Variants in DLG2 observed in about 807,000 individuals in gnomAD.
DLG2 encodes disks large homolog 2.
In DLG2, 45 loss-of-function variants were observed where a neutral mutation model predicts 132.5. The observed-to-expected ratio is 0.34, with a 90% confidence interval of 0.27 to 0.44. The LOEUF (loss-of-function observed/expected upper bound fraction) is 0.44, where lower values mean the gene tolerates loss of function less well. DLG2 is among the 20% of genes least tolerant of loss of function. DLG2 has a pLI of 1.00. For missense variants in DLG2, 1,045 were observed against 1,196.9 expected (o/e 0.87, Z 1.87); for synonymous variants, 424 against 419.6 (o/e 1.01, Z -0.13).
At chr11:85,101,510 G>C (rs751096497) in intron 6 of DLG2, among the ~76,000 whole-genome samples, 13 of 151,994 alleles carry the variant, frequency 8.6e-5, no homozygotes, top group Non-Finnish European at 1.6e-4. Flanking sequence ...GTAAAATATT[G>C]AGTACAGCCC....
chr11:84,316,701 C>T, intron 7 of DLG2: 1 of 1,077,316 alleles, frequency 9.3e-7, no homozygotes, highest in South Asian at 1.7e-5. Context: ...TTTTTCTTGG[C>T]CTAATATTTT....
At chr11:84,772,829 C>A (rs2069666258) in intron 6 of DLG2, among the ~76,000 whole-genome samples, 2 of 151,966 alleles carry the variant, frequency 1.3e-5, no homozygotes, top group South Asian at 4.2e-4. Context: ...TACTAAAGTC[C>A]TACATCAAAT....
intron 18 of DLG2, among the ~76,000 whole-genome samples, chr11:83,666,662 C>T (rs2153561647): frequency 6.6e-6 from 1 of 152,244 alleles, no homozygotes; most frequent in South Asian, 2.1e-4. Context: ...GACTTTTGTT[C>T]CCTACGTGGT....
intron 6 of DLG2, among the ~76,000 whole-genome samples, chr11:84,802,127 T>C (rs1172495976): frequency 6.8e-6 from 1 of 148,050 alleles, no homozygotes; most frequent in Non-Finnish European, 1.5e-5. Context: ...AAAAAAAGCA[T>C]GAGCTTTGGA....
intron 4 of DLG2, among the ~76,000 whole-genome samples, chr11:85,216,723 G>C (rs1391431879): frequency 6.6e-6 from 1 of 151,954 alleles, no homozygotes; most frequent in East Asian, 1.9e-4. Flanking sequence ...TGGAGACAGA[G>C]TCTCACTCTG....
At chr11:83,565,871 C>A (rs1186708487) in intron 19 of DLG2, among the ~76,000 whole-genome samples, 1 of 152,162 alleles carries the variant, frequency 6.6e-6, no homozygotes, top group African/African-American at 2.4e-5. Flanking sequence ...AAAGCCAGGA[C>A]TGAATTTAGG....
At chr11:84,624,061 T>C (rs546713570) in intron 6 of DLG2, among the ~76,000 whole-genome samples, 9 of 152,218 alleles carry the variant, frequency 5.9e-5, no homozygotes, top group Non-Finnish European at 1.0e-4. Flanking sequence ...CAGAAAATCT[T>C]TGAATAATGT....
intron 3 of DLG2, among the ~76,000 whole-genome samples, chr11:85,460,518 C>A (rs994578271): frequency 6.6e-6 from 1 of 152,184 alleles, no homozygotes; most frequent in Non-Finnish European, 1.5e-5. Context: ...TCCTGTCTCA[C>A]TTTGCTCCAT....
chr11:84,251,215 G>A (rs1288792963), intron 8 of DLG2, 23 bp downstream of exon 8: 4 of 1,484,884 alleles, frequency 2.7e-6, no homozygotes, highest in African/African-American at 2.8e-5. Context: ...TTAAAAGAAG[G>A]TAGTAATGAA....
intron 17 of DLG2, among the ~76,000 whole-genome samples, chr11:83,797,499 TTC>T (rs2043121177): frequency 6.6e-6 from 1 of 150,724 alleles, no homozygotes; most frequent in African/African-American, 2.5e-5. Flanking sequence ...AGTGTCTGCA[TTC>T]TTTTTTTTTT....
At chr11:85,287,616 T>G (rs986657921) in intron 3 of DLG2, among the ~76,000 whole-genome samples, 2 of 152,128 alleles carry the variant, frequency 1.3e-5, no homozygotes, top group Admixed American at 6.6e-5. Context: ...TTGTTTATCC[T>G]ATAAGTCGGT....
chr11:83,691,409 A>T (rs972520830), intron 18 of DLG2, among the ~76,000 whole-genome samples: 2 of 152,186 alleles, frequency 1.3e-5, no homozygotes, highest in Non-Finnish European at 2.9e-5. Context: ...ACAAAAGTAC[A>T]ATTCACTCAT....
Position 84,163,454 on chromosome 11 carries a change from TTC to T in DLG2, c.624+5_624+6del. On this transcript the variant is annotated splice_donor_5th_base_variant and intron_variant, in intron 9 of 27. Coordinates refer to ENST00000376104, the MANE Select transcript of DLG2 (RefSeq NM_001142699.3). ...GGGGCTTTGGATTTTTCAAAATTTT[TTC>T]TTACCCTCTCCAGTGTAATTTCTTC... is the stretch of plus-strand genomic sequence containing the variant. 4.4e-6 allele frequency: 7 copies of T among 1,603,588 alleles called. No homozygotes were observed. The highest frequency in any genetic ancestry group is 6.0e-6 in the Non-Finnish European group (7 of 1,176,224).
At chr11:84,766,487 A>G (rs1332628170) in intron 6 of DLG2, among the ~76,000 whole-genome samples, 1 of 152,104 alleles carries the variant, frequency 6.6e-6, no homozygotes, top group Non-Finnish European at 1.5e-5. Context: ...GATGCTGCTT[A>G]GAACACCACT....
intron 6 of DLG2, among the ~76,000 whole-genome samples, chr11:85,059,038 CA>C (rs1292513106): frequency 6.6e-6 from 1 of 150,998 alleles, no homozygotes; most frequent in Non-Finnish European, 1.5e-5. Context: ...AACTTTAGTT[CA>C]AAAGTCGCCG....
At chr11:83,743,104 C>T (rs1185158041) in intron 18 of DLG2, among the ~76,000 whole-genome samples, 1 of 152,174 alleles carries the variant, frequency 6.6e-6, no homozygotes, top group African/African-American at 2.4e-5. Context: ...GGGTAATCTT[C>T]TTAGGCCAGG....
intron 3 of DLG2, among the ~76,000 whole-genome samples, chr11:85,589,818 C>A (rs2079197118): frequency 6.6e-6 from 1 of 152,020 alleles, no homozygotes; most frequent in South Asian, 2.1e-4. Flanking sequence ...TCCCCATCTG[C>A]CCACATTGTC....
intron 6 of DLG2, among the ~76,000 whole-genome samples, chr11:84,859,025 CT>C (rs2083189678): frequency 6.6e-6 from 1 of 151,828 alleles, no homozygotes; most frequent in Admixed American, 6.6e-5. Flanking sequence ...TACGCTTCAT[CT>C]TTTTATACCT....
intron 6 of DLG2, among the ~76,000 whole-genome samples, chr11:85,049,171 G>C (rs2062647860): frequency 6.6e-6 from 1 of 151,942 alleles, no homozygotes; most frequent in African/African-American, 2.4e-5. Context: ...CATAGACTTA[G>C]GGATTCAGGA....
Sources: gnomAD v4.1 joint callset for allele counts (sites outside exome capture counted in the v4.1 genomes callset) on GRCh38, gnomAD v4.1.1 for gene constraint, MANE v1.5 for transcripts, NCBI Gene and HGNC (gene_info 2026-07-23, HGNC 2026-07-21) for gene names.